The following PDE1A variants were observed in gnomAD, a reference collection of about 807,000 sequenced individuals.
PDE1A encodes dual specificity calcium/calmodulin-dependent 3',5'-cyclic nucleotide phosphodiesterase 1A.
PDE1A carries 35 observed loss-of-function variants against 61.7 expected under a neutral mutation model. The ratio of observed to expected loss-of-function variants is 0.57; its 90% CI spans 0.43 to 0.75. PDE1A has a LOEUF of 0.75. Among genes scored for constraint, PDE1A ranks in the 30% least tolerant of loss-of-function variants. PDE1A has a pLI of 0.00. For missense variants in PDE1A, 597 were observed against 630.6 expected (o/e 0.95, Z 0.57); for synonymous variants, 232 against 213.2 (o/e 1.09, Z -0.77).
intron 1 of PDE1A, among the ~76,000 whole-genome samples, chr2:182,403,598 CAAA>C (rs548993514): frequency 5.2e-5 from 4 of 77,600 alleles, no homozygotes; most frequent in Non-Finnish European, 2.4e-5. Context: ...GACTCCGTCT[CAAA>C]AAAAAAAAAA....
At chr2:182,186,523 T>C in exon 12 of PDE1A, 1 of 1,612,480 alleles carries the variant, frequency 6.2e-7, no homozygotes, top group Non-Finnish European at 8.5e-7. Context: ...ATAAGAGGAA[T>C]AACAATTTTC....
the PDE1A span, among the ~76,000 whole-genome samples, chr2:182,624,887 C>A: frequency 6.6e-6 from 1 of 152,130 alleles, no homozygotes; most frequent in Non-Finnish European, 1.5e-5. Context: ...AACCTCTTTC[C>A]ATACTTCAGC....
At chr2:182,446,218 C>T (rs1181894621) in intron 2 of PDE1A, among the ~76,000 whole-genome samples, 1 of 151,954 alleles carries the variant, frequency 6.6e-6, no homozygotes, top group Non-Finnish European at 1.5e-5. Flanking sequence ...AAATGCTGGC[C>T]AGATGAAAAG....
chr2:182,540,365 A>G, the PDE1A span, among the ~76,000 whole-genome samples: 2 of 87,842 alleles, frequency 2.3e-5, no homozygotes, highest in Non-Finnish European at 5.3e-5. Flanking sequence ...CCTGTCTCAA[A>G]GAAAAAAAAA....
the PDE1A span, among the ~76,000 whole-genome samples, chr2:182,593,495 T>A: frequency 6.6e-6 from 1 of 152,100 alleles, no homozygotes; most frequent in Non-Finnish European, 1.5e-5. Context: ...TCTAGACTAG[T>A]AGATAGGATA....
At chr2:182,162,446 G>A (rs773629021) in intron 13 of PDE1A, among the ~76,000 whole-genome samples, 1 of 152,030 alleles carries the variant, frequency 6.6e-6, no homozygotes. Context: ...AAAATTTCTG[G>A]GTCAAGTGAA....
the PDE1A span, among the ~76,000 whole-genome samples, chr2:182,632,119 G>A: frequency 6.6e-6 from 1 of 152,094 alleles, no homozygotes; most frequent in Non-Finnish European, 1.5e-5. Flanking sequence ...GGAAAAGGAA[G>A]AAAACCTTTA....
chr2:182,712,218 A>G, the PDE1A span, among the ~76,000 whole-genome samples: 1 of 152,254 alleles, frequency 6.6e-6, no homozygotes, highest in Non-Finnish European at 1.5e-5. Context: ...GGAAAAACTG[A>G]AGAACTGTTT....
the PDE1A span, among the ~76,000 whole-genome samples, chr2:182,586,531 T>A: frequency 1.3e-5 from 2 of 152,236 alleles, no homozygotes; most frequent in Non-Finnish European, 2.9e-5. Context: ...CTGTTACATG[T>A]TACACTGCAC....
chr2:182,632,546 A>G, the PDE1A span, among the ~76,000 whole-genome samples: 3 of 152,122 alleles, frequency 2.0e-5, no homozygotes, highest in East Asian at 1.9e-4. Flanking sequence ...TAGATACTGC[A>G]AGAAGAAATA....
At chr2:182,534,173 C>A in the PDE1A span, among the ~76,000 whole-genome samples, 1 of 151,882 alleles carries the variant, frequency 6.6e-6, no homozygotes, top group African/African-American at 2.4e-5. Context: ...GCACAGTTTC[C>A]CATTCCCTTA....
rs932744045 is a variant in PDE1A at position 182,266,128 on chromosome 2, A to G, written c.54-1714T>C. Reference sequence around the variant, plus strand: ...TGTAAACAATTACTTTTTTTATGCCATTTACTTTTGTATGATAAAATATCA... The same window carrying G: ...TGTAAACAATTACTTTTTTTATGCCGTTTACTTTTGTATGATAAAATATCA... On this transcript the variant is annotated intron_variant, in intron 1 of 13. Coordinates refer to ENST00000351439, the Ensembl canonical transcript of PDE1A. Among the ~76,000 whole-genome samples, 4 of 152,294 alleles carry G rather than the reference A, an allele frequency of 2.6e-5. No homozygotes were observed. The East Asian group carries it at 7.7e-4, about 29-fold the overall frequency.
At chr2:182,681,790 C>T in the PDE1A span, among the ~76,000 whole-genome samples, 420 of 152,138 alleles carry the variant, frequency 2.8e-3, no homozygotes, top group Non-Finnish European at 4.9e-3. Flanking sequence ...GGACTACAGG[C>T]GCCCGCCACC....
chr2:182,213,211 C>A lies in PDE1A; in HGVS notation c.777-7146G>T, dbSNP rs1250965983. 4.0e-5 allele frequency among the ~76,000 whole-genome samples: 6 copies of A among 149,546 alleles called. No homozygotes were observed. The South Asian group carries it at 1.3e-3, about 32-fold the overall frequency. The stretch of plus-strand genomic sequence containing the variant: ...ACAGACCTGCAGCTGAGGGTCCTGT[C>A]TGTTAGAAGGAAGACTAACAAACAG... On this transcript the variant is annotated intron_variant, in intron 7 of 13. Coordinates refer to ENST00000351439, the Ensembl canonical transcript of PDE1A.
intron 1 of PDE1A, among the ~76,000 whole-genome samples, chr2:182,406,098 C>T (rs960535347): frequency 3.9e-4 from 59 of 151,984 alleles, no homozygotes; most frequent in Middle Eastern, 6.8e-3. Context: ...TTTGAGCATG[C>T]TGTTAAGCAC....
chr2:182,205,463 C>G (rs1163863341), intron 8 of PDE1A, among the ~76,000 whole-genome samples: 1 of 151,494 alleles, frequency 6.6e-6, no homozygotes, highest in Non-Finnish European at 1.5e-5. Context: ...TTTGGAGAAA[C>G]ATGTAAGATT....
At chr2:182,386,496 G>A (rs1349451670) in intron 1 of PDE1A, among the ~76,000 whole-genome samples, 8 of 129,004 alleles carry the variant, frequency 6.2e-5, no homozygotes, top group Non-Finnish European at 1.0e-4. Flanking sequence ...GCCCGGCCGC[G>A]ACCCCATCTG....
chr2:182,639,270 G>T, the PDE1A span, among the ~76,000 whole-genome samples: 3 of 152,082 alleles, frequency 2.0e-5, no homozygotes, highest in East Asian at 3.9e-4. Context: ...TGACCTGAGA[G>T]AACTCAGGAA....
chr2:182,284,670 T>C (rs1559294862), intron 1 of PDE1A, among the ~76,000 whole-genome samples: 1 of 152,072 alleles, frequency 6.6e-6, no homozygotes, highest in Non-Finnish European at 1.5e-5. Context: ...AAAATATAGA[T>C]GGGTGGTAAT....
Sources: allele counts gnomAD v4.1 joint callset (sites outside exome capture counted in the v4.1 genomes callset), GRCh38; gene constraint gnomAD v4.1.1; transcripts MANE v1.5; gene names NCBI Gene and HGNC (gene_info 2026-07-23, HGNC 2026-07-21).